The following PSG5 variants were observed in gnomAD, a reference collection of about 807,000 sequenced individuals.
PSG5 encodes pregnancy-specific beta-1-glycoprotein 5.
Under a neutral mutation model 37.7 loss-of-function variants are expected in PSG5, and 53 were observed. The ratio of observed to expected loss-of-function variants is 1.41; its 90% CI spans 1.13 to 1.77. PSG5 has a LOEUF of 1.77. PSG5 is among the 40% of genes most tolerant of loss of function. The pLI, the probability that PSG5 is intolerant of heterozygous loss-of-function variation, is 0.00. For missense variants in PSG5, 547 were observed against 405.2 expected, an observed-to-expected ratio of 1.35 and a Z score of -3.00; for synonymous variants, 221 against 155.4, an observed-to-expected ratio of 1.42 and a Z score of -3.14.
At chr19:43,168,304 C>T (rs1968829870) in intron 5 of PSG5, 101 bp from the exon 6 acceptor site, 2 of 339,376 alleles carry the variant, frequency 5.9e-6, no homozygotes, top group South Asian at 1.5e-4. Flanking sequence ...ACTTCTGTGG[C>T]ATATGACACT....
At chr19:43,178,121 TTTTTGA>T (rs1423442017) in intron 2 of PSG5, among the ~76,000 whole-genome samples, 1 of 151,276 alleles carries the variant, frequency 6.6e-6, no homozygotes, top group African/African-American at 2.4e-5. Context: ...CTGTGCTGGG[TTTTTGA>T]TTTTCCCTCT....
At chr19:43,178,555 T>C (rs1424891845) in intron 2 of PSG5, among the ~76,000 whole-genome samples, 1 of 151,578 alleles carries the variant, frequency 6.6e-6, no homozygotes, top group East Asian at 1.9e-4. Context: ...AGGGCCACAG[T>C]GACCCTGTGA....
Position 43,168,148 on chromosome 19 carries a change from G to T in PSG5, c.*96C>A. On this transcript the variant is annotated 3_prime_UTR_variant, in exon 6 of 6. Coordinates refer to ENST00000342951, the MANE Select transcript of PSG5 (RefSeq NM_002781.4). ...TTCCATAAATCTCCTTGAAGAAAAA[G>T]CAATTTTGGACTGTAGGTGATTGTA... 4.5e-6 allele frequency: 2 copies of T among 441,558 alleles called. No homozygotes were observed. Among genetic ancestry groups the T allele is most frequent in the Non-Finnish European group, 4.1e-6 (1 of 246,444 alleles). The allele number at this position is 441,558 out of a possible 1,614,324, so 27.4% of individuals were successfully genotyped here. A position where few individuals can be genotyped will look rare whatever the true frequency, so the allele number is the denominator to read the frequency against.
chr19:43,178,965 G>T (rs1480025249), intron 2 of PSG5: 1 of 1,612,700 alleles, frequency 6.2e-7, no homozygotes, highest in Non-Finnish European at 8.5e-7. Context: ...AATATACTTT[G>T]TGACACCAAA....
chr19:43,184,719 G>A, intron 2 of PSG5, 63 bp downstream of exon 2: 5 of 1,604,368 alleles, frequency 3.1e-6, no homozygotes, highest in Non-Finnish European at 4.3e-6. Context: ...TGACAATCCT[G>A]TGTGTGTGAA....
rs768751211 is a variant in PSG5 at position 43,185,110 on chromosome 19, A to G, written c.102T>C (p.Ala34=). 5.0e-6 allele frequency: 8 copies of G among 1,610,572 alleles called. No homozygotes were observed. In the East Asian group the frequency reaches 1.6e-4, roughly 31 times the overall value. The change falls in exon 2 of 6, where the codon GCT becomes GCC. Residue 34 remains alanine, a synonymous_variant. Transcript: ENST00000342951. Reference sequence around the variant, plus strand: ...GTGGCAGGGCTTCAATCGTGACTTGAGCAGTGATAGGCAGGTTCCAGAAGT... The same window carrying G: ...GTGGCAGGGCTTCAATCGTGACTTGGGCAGTGATAGGCAGGTTCCAGAAGT... The part of the protein sequence containing the change: ...LLNFWNLPIT[A]QVTIEALPPK...
At chr19:43,185,464 C>T (rs1317115053) in intron 1 of PSG5, among the ~76,000 whole-genome samples, 2 of 149,130 alleles carry the variant, frequency 1.3e-5, no homozygotes, top group Non-Finnish European at 3.0e-5. Context: ...AGGTCCTGCT[C>T]ACATCAGGGC....
chr19:43,183,181 A>G (rs995320802), intron 2 of PSG5: 6 of 269,812 alleles, frequency 2.2e-5, no homozygotes, highest in Non-Finnish European at 2.9e-5. Flanking sequence ...AGCTGCCCCC[A>G]GTTCCACAGT....
chr19:43,184,655 C>G, intron 2 of PSG5, 127 bp downstream of exon 2: 1 of 1,547,270 alleles, frequency 6.5e-7, no homozygotes, highest in East Asian at 2.2e-5. Context: ...CACTAAATGC[C>G]CAAACCGCAG....
At chr19:43,168,767 A>G in intron 5 of PSG5, among the ~76,000 whole-genome samples, 1 of 151,658 alleles carries the variant, frequency 6.6e-6, no homozygotes, top group East Asian at 1.9e-4. Flanking sequence ...ACACAATTTA[A>G]TATATCAAAT....
chr19:43,173,935 TCACA>T (rs1369813639), intron 4 of PSG5, among the ~76,000 whole-genome samples: 5 of 151,556 alleles, frequency 3.3e-5, no homozygotes, highest in African/African-American at 1.2e-4. Flanking sequence ...GAAGCATTAC[TCACA>T]CTAGCGAAAA....
intron 3 of PSG5, 108 bp from the exon 4 acceptor site, chr19:43,175,577 T>C: frequency 1.3e-6 from 2 of 1,483,662 alleles, no homozygotes; most frequent in South Asian, 1.4e-5. Flanking sequence ...CACCCTCAAG[T>C]CCCAGCCGAA....
At position 43,173,621 on chromosome 19, in the gene PSG5, C is replaced by A. The variant is rs537693652; in HGVS notation, c.964+1594G>T. Reference sequence around the variant, plus strand: ...GCAAAGTTCCTCAGCATCACGAATACTTAGAGATATGCAAATCAAAACCAC... The same window carrying A: ...GCAAAGTTCCTCAGCATCACGAATAATTAGAGATATGCAAATCAAAACCAC... On this transcript the variant is annotated intron_variant, in intron 4 of 5. Coordinates refer to ENST00000342951, the MANE Select transcript of PSG5 (RefSeq NM_002781.4). Among the ~76,000 whole-genome samples, 3 of 151,666 alleles carry A rather than the reference C, an allele frequency of 2.0e-5. No individual in the cohort carries two copies. In the East Asian group the frequency reaches 5.8e-4, roughly 29 times the overall value.
At chr19:43,177,422 A>C (rs1430824055) in intron 2 of PSG5, among the ~76,000 whole-genome samples, 1 of 151,524 alleles carries the variant, frequency 6.6e-6, no homozygotes, top group Non-Finnish European at 1.5e-5. Flanking sequence ...AAGATTCAAA[A>C]TCTAAAATGC....
chr19:43,168,580 G>A (rs8113785), intron 5 of PSG5, among the ~76,000 whole-genome samples: 22,099 of 151,356 alleles, frequency 0.15, 2,153 homozygotes, highest in East Asian at 0.37. Flanking sequence ...CACCGTGTTA[G>A]CCAGGATGGT....
intron 4 of PSG5, 78 bp from the exon 5 acceptor site, chr19:43,170,216 G>T: frequency 8.2e-7 from 1 of 1,224,574 alleles, no homozygotes; most frequent in Non-Finnish European, 1.2e-6. Context: ...GAGGCATGTA[G>T]CATGAGGTAC....
chr19:43,170,300 T>A, intron 4 of PSG5, 162 bp from the exon 5 acceptor site: 1 of 763,828 alleles, frequency 1.3e-6, no homozygotes. Flanking sequence ...TTCTTGCAGT[T>A]TTTTTTTTCC....
intron 2 of PSG5, chr19:43,179,103 A>G: frequency 6.2e-7 from 1 of 1,609,182 alleles, no homozygotes; most frequent in African/African-American, 1.3e-5. Flanking sequence ...CACAGCCTCC[A>G]TGGCCTCCCT....
chr19:43,184,507 G>T (rs191851722), intron 2 of PSG5, among the ~76,000 whole-genome samples: 17 of 151,674 alleles, frequency 1.1e-4, no homozygotes, highest in East Asian at 9.7e-4. Context: ...GAGGGCATGA[G>T]GTGCTTGGCT....
Sources: allele counts gnomAD v4.1 joint callset (sites outside exome capture counted in the v4.1 genomes callset), GRCh38; gene constraint gnomAD v4.1.1; transcripts MANE v1.5; gene names NCBI Gene and HGNC (gene_info 2026-07-23, HGNC 2026-07-21).